The following DNAH7 variants were observed in gnomAD, a reference collection of about 807,000 sequenced individuals.
The protein encoded by DNAH7 is axonemal beta dynein heavy chain 7.
Under a neutral mutation model 444.6 loss-of-function variants are expected in DNAH7, and 397 were observed. That is an observed-to-expected ratio of 0.89 (90% confidence interval 0.82 to 0.97). The LOEUF (loss-of-function observed/expected upper bound fraction) is 0.97. Among genes scored for constraint, DNAH7 ranks in the 50% least tolerant of loss-of-function variants. The pLI is 0.00. For missense variants in DNAH7, 4,902 were observed against 4,800.8 expected (o/e 1.02, Z -0.62); for synonymous variants, 1,636 against 1,624.4 (o/e 1.01, Z -0.17).
At chr2:195,894,891 T>C (rs375383697) in intron 30 of DNAH7, 85 bp downstream of exon 30, 25 of 1,260,738 alleles carry the variant, frequency 2.0e-5, no homozygotes, top group South Asian at 9.5e-5. Context: ...AGTTGCCACA[T>C]TGAATGCATC....
chr2:195,987,836 T>C (rs1346231230), intron 13 of DNAH7, 121 bp downstream of exon 13: 2 of 997,458 alleles, frequency 2.0e-6, no homozygotes, highest in Non-Finnish European at 2.9e-6. Context: ...AGAAGCTCAA[T>C]AAATATTTTT....
chr2:195,823,977 A>G (rs1020879607), intron 49 of DNAH7, among the ~76,000 whole-genome samples: 2 of 152,220 alleles, frequency 1.3e-5, no homozygotes, highest in African/African-American at 2.4e-5. Context: ...ATGTGGGCAT[A>G]TATCTTCTAT....
chr2:195,848,954 T>C (rs900494671), intron 46 of DNAH7, among the ~76,000 whole-genome samples: 6 of 152,236 alleles, frequency 3.9e-5, no homozygotes, highest in African/African-American at 1.4e-4. Flanking sequence ...TGAAATATTA[T>C]ATTATAACTT....
intron 61 of DNAH7, among the ~76,000 whole-genome samples, chr2:195,763,155 G>C (rs1694426115): frequency 1.3e-5 from 2 of 152,092 alleles, no homozygotes; most frequent in South Asian, 4.1e-4. Flanking sequence ...AAATTTTCTT[G>C]AAACACATGA....
Position 195,846,949 on chromosome 2 carries a change from A to ATATGTGTG in DNAH7, c.8782-1785_8782-1784insCACACATA, listed in dbSNP as rs1553535817. 1.5e-3 allele frequency among the ~76,000 whole-genome samples: 212 copies of ATATGTGTG among 137,208 alleles called. 2 individuals are homozygous for ATATGTGTG. The highest frequency in any genetic ancestry group is 5.8e-3 in the African/African-American group (204 of 35,264). The allele number at this position is 137,208 out of a possible 152,430, so 90.0% of individuals were successfully genotyped here. ...AATACTACGTAATAAACTCCCATAT[A>ATATGTGTG]TGTGTGTGTGTGTGTGTGTGTGTGT... is the stretch of plus-strand genomic sequence containing the variant. On this transcript the variant is annotated intron_variant, in intron 46 of 64. Coordinates refer to ENST00000312428, the MANE Select transcript of DNAH7 (RefSeq NM_018897.3).
At chr2:196,045,546 G>A (rs1385277177) in intron 5 of DNAH7, among the ~76,000 whole-genome samples, 2 of 151,870 alleles carry the variant, frequency 1.3e-5, no homozygotes, top group African/African-American at 4.8e-5. Context: ...CAGAGAGAGA[G>A]AGAGAATATG....
intron 12 of DNAH7, among the ~76,000 whole-genome samples, chr2:195,992,107 A>G (rs1192295810): frequency 6.6e-6 from 1 of 152,226 alleles, no homozygotes; most frequent in Admixed American, 6.5e-5. Flanking sequence ...CAGCTGGCAA[A>G]GATAATTACA....
chr2:196,034,359 T>C (rs1487563835), intron 5 of DNAH7, among the ~76,000 whole-genome samples: 1 of 152,170 alleles, frequency 6.6e-6, no homozygotes, highest in African/African-American at 2.4e-5. Flanking sequence ...AAAATGTATA[T>C]AAAGTGCTGA....
At chr2:195,986,755 T>C (rs368333536) in intron 14 of DNAH7, among the ~76,000 whole-genome samples, 13 of 152,218 alleles carry the variant, frequency 8.5e-5, no homozygotes, top group African/African-American at 2.7e-4. Context: ...AAACCCACTT[T>C]GCATATTGAT....
At chr2:195,981,683 C>A (rs559326981) in intron 15 of DNAH7, among the ~76,000 whole-genome samples, 2 of 152,092 alleles carry the variant, frequency 1.3e-5, no homozygotes, top group African/African-American at 4.8e-5. Flanking sequence ...AACTCATTTT[C>A]GAGAAAAATG....
chr2:195,755,689 C>A (rs1170412473), intron 62 of DNAH7, among the ~76,000 whole-genome samples: 1 of 152,070 alleles, frequency 6.6e-6, no homozygotes, highest in Non-Finnish European at 1.5e-5. Context: ...AGTTAAGCAC[C>A]AATATTACCA....
At chr2:196,030,193 A>G (rs906065580) in intron 5 of DNAH7, among the ~76,000 whole-genome samples, 1 of 152,220 alleles carries the variant, frequency 6.6e-6, no homozygotes, top group Non-Finnish European at 1.5e-5. Flanking sequence ...CACTTCTTAC[A>G]TGATAGCAGA....
At chr2:195,785,984 C>G (rs2105971501) in intron 58 of DNAH7, among the ~76,000 whole-genome samples, 1 of 152,126 alleles carries the variant, frequency 6.6e-6, no homozygotes, top group East Asian at 1.9e-4. Context: ...ATTTATGATT[C>G]TTTTGAATAT....
intron 19 of DNAH7, among the ~76,000 whole-genome samples, chr2:195,941,144 T>C (rs1310914305): frequency 6.6e-6 from 1 of 152,068 alleles, no homozygotes; most frequent in Non-Finnish European, 1.5e-5. Flanking sequence ...AATGATAGAC[T>C]GAATAAAGAA....
intron 20 of DNAH7, 132 bp downstream of exon 20, chr2:195,936,467 A>G (rs555260552): frequency 3.4e-4 from 178 of 526,634 alleles, no homozygotes; most frequent in Middle Eastern, 1.6e-3. Flanking sequence ...AGTTGATTAT[A>G]TAATACTTGG....
In DNAH7 at chr2:195,772,389, C is replaced by T. The variant is rs1031280675; in HGVS notation, c.11203-499G>A. 7.9e-5 allele frequency among the ~76,000 whole-genome samples: 12 copies of T among 152,244 alleles called. No individual in the cohort carries two copies. The Middle Eastern group carries it at 0.014, about 173-fold the overall frequency. On this transcript the variant is annotated intron_variant, in intron 60 of 64. Coordinates refer to ENST00000312428, the MANE Select transcript of DNAH7 (RefSeq NM_018897.3). The stretch of plus-strand genomic sequence containing the variant: ...TGAACCAGGAGAGAAAGAAAATAAG[C>T]TCATCTCCTCTAAGCAGCTGGAAGA...
chr2:195,930,345 A>C (rs1200842441), intron 21 of DNAH7, among the ~76,000 whole-genome samples: 1 of 151,936 alleles, frequency 6.6e-6, no homozygotes, highest in Non-Finnish European at 1.5e-5. Flanking sequence ...CGCCTCAAAA[A>C]AAGAAAAGAA....
In DNAH7 at chr2:195,864,436, ACT is replaced by A; in HGVS notation, c.7217_7218del (p.Glu2406ValfsTer8). ...AGATTACTGACATCTTCCAGAAAAGACTCTTCTTTAATTTGAGTATCTGTAAA... is the reference window on the plus strand; with the variant it reads ...AGATTACTGACATCTTCCAGAAAAGACTTCTTTAATTTGAGTATCTGTAAA... ...FLFTDTQIKE[E>X]SFLEDVSNLL... On this transcript the variant is annotated frameshift_variant, in exon 41 of 65. Transcript: ENST00000312428. LOFTEE classifies it high-confidence loss of function. 6.2e-7 allele frequency: 1 copy of A among 1,613,848 alleles called. No homozygotes were observed. Among genetic ancestry groups the A allele is most frequent in the South Asian group, 1.1e-5 (1 of 91,064 alleles).
chr2:196,060,494 GC>G (rs1698077471), intron 1 of DNAH7, among the ~76,000 whole-genome samples: 1 of 151,992 alleles, frequency 6.6e-6, no homozygotes, highest in Non-Finnish European at 1.5e-5. Context: ...CTATCACTTG[GC>G]CTTTAATACA....
Sources: gnomAD v4.1 joint callset for allele counts (sites outside exome capture counted in the v4.1 genomes callset) on GRCh38, gnomAD v4.1.1 for gene constraint, MANE v1.5 for transcripts, NCBI Gene and HGNC (gene_info 2026-07-23, HGNC 2026-07-21) for gene names.